The following FRMD6 variants were observed in gnomAD, a reference collection of about 807,000 sequenced individuals.
FRMD6 encodes the protein FERM domain containing 6.
In FRMD6, 37 loss-of-function variants were observed where a neutral mutation model predicts 73.2. The ratio of observed to expected loss-of-function variants is 0.51; its 90% confidence interval spans 0.39 to 0.66. The LOEUF is 0.66. Ranked by LOEUF, FRMD6 falls within the 30% of genes least tolerant of loss-of-function variation. The pLI is 0.00. For synonymous variants in FRMD6, 273 were observed against 282.2 expected (o/e 0.97, Z 0.33); for missense variants, 714 against 780.5 (o/e 0.91, Z 1.02).
chr14:51,676,507 C>T (rs1024517421), intron 1 of FRMD6, among the ~76,000 whole-genome samples: 4 of 152,048 alleles, frequency 2.6e-5, no homozygotes, highest in Non-Finnish European at 5.9e-5. Context: ...GCATAGGATC[C>T]GTAATGGATT....
chr14:51,623,213 TAAAAC>T (rs1041549498), intron 2 of FRMD6, among the ~76,000 whole-genome samples: 4 of 152,200 alleles, frequency 2.6e-5, no homozygotes, highest in Admixed American at 1.3e-4. Flanking sequence ...AGGTGGTTGT[TAAAAC>T]AAAACAAAAT....
the FRMD6 span, among the ~76,000 whole-genome samples, chr14:51,448,216 CCTT>C: frequency 6.6e-6 from 1 of 152,182 alleles, no homozygotes; most frequent in African/African-American, 2.4e-5. Flanking sequence ...TTTATCATCT[CCTT>C]CTGGATTTCC....
intron 2 of FRMD6, 24 bp downstream of exon 2, chr14:51,689,959 T>C (rs1262333913): frequency 7.0e-7 from 1 of 1,433,624 alleles, no homozygotes; most frequent in Non-Finnish European, 9.8e-7. Flanking sequence ...GTTTTAGAAA[T>C]GTCTAAATAT....
chr14:51,660,360 G>A lies in FRMD6; in HGVS notation c.-147+8364G>A, dbSNP rs140653931. On this transcript the variant is annotated intron_variant, in intron 1 of 13. Transcript: ENST00000344768. ...AGGATGATCACATAGGATGTTCCCA[G>A]CCTTCCTGGGGCCACTGGATTTATA... Among the ~76,000 whole-genome samples the A allele has an allele frequency of 2.0e-3, 298 of 152,250 alleles. 1 individual carries two copies. The highest frequency in any genetic ancestry group is 6.8e-3 in the African/African-American group (281 of 41,554).
intron 1 of FRMD6, among the ~76,000 whole-genome samples, chr14:51,539,858 T>A (rs929663236): frequency 3.9e-5 from 6 of 152,082 alleles, no homozygotes; most frequent in Non-Finnish European, 5.9e-5. Context: ...TAGAGGAAGG[T>A]GGGGAGTTGA....
chr14:51,545,118 G>C (rs543823957), intron 1 of FRMD6, among the ~76,000 whole-genome samples: 1 of 151,918 alleles, frequency 6.6e-6, no homozygotes, highest in Non-Finnish European at 1.5e-5. Context: ...TTTTGTTAAC[G>C]TGCCCAGACA....
chr14:51,642,896 A>C (rs1468274582), intron 2 of FRMD6, among the ~76,000 whole-genome samples: 1 of 152,202 alleles, frequency 6.6e-6, no homozygotes, highest in Non-Finnish European at 1.5e-5. Context: ...TAAAAGAGCC[A>C]GGGGAGCAGG....
Position 51,534,437 on chromosome 14 carries a change from A to G in FRMD6, c.-209-35911A>G, listed in dbSNP as rs368603975. Reference sequence around the variant, plus strand: ...TTTATTGGACAAGGGCTTAGAGCCTAGCTATAGGAAGTTGTTTCTTTTGGA... The same window carrying G: ...TTTATTGGACAAGGGCTTAGAGCCTGGCTATAGGAAGTTGTTTCTTTTGGA... On this transcript the variant is annotated intron_variant, in intron 1 of 14. Transcript: ENST00000356218. Among the ~76,000 whole-genome samples the G allele has an allele frequency of 2.0e-5, 3 of 152,188 alleles. No homozygotes were observed. The East Asian group carries it at 5.8e-4, about 29-fold the overall frequency.
At chr14:51,401,874 G>C in the FRMD6 span, among the ~76,000 whole-genome samples, 2 of 152,198 alleles carry the variant, frequency 1.3e-5, no homozygotes, top group South Asian at 4.1e-4. Flanking sequence ...TGGCACATGA[G>C]GATTGAGAAT....
chr14:51,429,179 C>T, the FRMD6 span, among the ~76,000 whole-genome samples: 1 of 152,182 alleles, frequency 6.6e-6, no homozygotes, highest in Non-Finnish European at 1.5e-5. Flanking sequence ...ACCAGTTCAG[C>T]TGCCAGCTAA....
At position 51,728,207 on chromosome 14, in the gene FRMD6, C is replaced by A. The variant is rs990010028; in HGVS notation, c.*178C>A. ...GAACAATTGCACTTTAAGTATTACA[C>A]AGAAGTAAAAGAACTACAGAAAATG... On this transcript the variant is annotated 3_prime_UTR_variant, in exon 14 of 14. Transcript: ENST00000344768. The A allele has an allele frequency of 6.5e-6, 4 of 614,624 alleles. No individual in the cohort carries two copies. The highest frequency in any genetic ancestry group is 1.8e-5 in the African/African-American group (1 of 54,504). The allele number at this position is 614,624 out of a possible 1,614,324, so 38.1% of individuals were successfully genotyped here.
intron 1 of FRMD6, among the ~76,000 whole-genome samples, chr14:51,561,762 G>A (rs1887495483): frequency 1.3e-5 from 2 of 152,076 alleles, no homozygotes; most frequent in Non-Finnish European, 1.5e-5. Context: ...AAGGTCAAGG[G>A]CATCCAAATA....
chr14:51,462,930 G>T, the FRMD6 span, among the ~76,000 whole-genome samples: 1 of 152,298 alleles, frequency 6.6e-6, no homozygotes. Context: ...GCAAGTAACT[G>T]AATCACTTGG....
chr14:51,623,484 G>A (rs1229642822), intron 2 of FRMD6, among the ~76,000 whole-genome samples: 1 of 152,102 alleles, frequency 6.6e-6, no homozygotes, highest in Non-Finnish European at 1.5e-5. Context: ...TGTCTTCCAG[G>A]TCTGTTACCT....
chr14:51,497,745 A>G (rs1226267561), intron 1 of FRMD6, among the ~76,000 whole-genome samples: 1 of 152,236 alleles, frequency 6.6e-6, no homozygotes, highest in Non-Finnish European at 1.5e-5. Flanking sequence ...ACACTTACAA[A>G]ACATCTCAAT....
chr14:51,562,941 G>T (rs1293664339), intron 1 of FRMD6, among the ~76,000 whole-genome samples: 1 of 152,188 alleles, frequency 6.6e-6, no homozygotes, highest in Non-Finnish European at 1.5e-5. Context: ...ACAACGTCTG[G>T]GACCTCAGCT....
intron 2 of FRMD6, among the ~76,000 whole-genome samples, chr14:51,633,462 C>T (rs1048019139): frequency 1.3e-5 from 2 of 151,282 alleles, no homozygotes; most frequent in Admixed American, 1.3e-4. Context: ...ATTAGTTGGG[C>T]ATGGTGACTC....
chr14:51,705,371 CT>C (rs1490507031), intron 6 of FRMD6, among the ~76,000 whole-genome samples: 1 of 152,116 alleles, frequency 6.6e-6, no homozygotes, highest in East Asian at 1.9e-4. Flanking sequence ...CGGGGAGGAA[CT>C]AACCCCTTCT....
the FRMD6 span, among the ~76,000 whole-genome samples, chr14:51,419,206 G>A: frequency 4.6e-5 from 7 of 152,196 alleles, no homozygotes; most frequent in Non-Finnish European, 7.3e-5. Context: ...ACCAGTCCCC[G>A]TGAGACGAAC....
Sources: gnomAD v4.1 joint callset for allele counts (sites outside exome capture counted in the v4.1 genomes callset) on GRCh38, gnomAD v4.1.1 for gene constraint, MANE v1.5 for transcripts, NCBI Gene and HGNC (gene_info 2026-07-23, HGNC 2026-07-21) for gene names.